Variants in SEMA5A observed in about 807,000 individuals in gnomAD.
SEMA5A encodes semaphorin 5A, also known as semaphorin-5A.
In SEMA5A, 55 loss-of-function variants were observed where a neutral mutation model predicts 135.5. The observed-to-expected ratio is 0.41, with a 90% confidence interval of 0.33 to 0.51. The LOEUF is 0.51. Ranked by LOEUF, SEMA5A falls within the 20% of genes least tolerant of loss-of-function variation. SEMA5A has a pLI of 0.37. For missense variants in SEMA5A, 1,290 were observed against 1,419.9 expected, an observed-to-expected ratio of 0.91 and a Z score of 1.47; for synonymous variants, 580 against 546.5, an observed-to-expected ratio of 1.06 and a Z score of -0.85.
chr5:9,147,124 C>T (rs1742379862), intron 12 of SEMA5A, among the ~76,000 whole-genome samples: 1 of 152,106 alleles, frequency 6.6e-6, no homozygotes, highest in Non-Finnish European at 1.5e-5. Flanking sequence ...GCTTTTAAAA[C>T]TTTGACCTTT....
intron 11 of SEMA5A, among the ~76,000 whole-genome samples, chr5:9,171,393 G>T (rs1743913527): frequency 6.6e-6 from 1 of 152,208 alleles, no homozygotes; most frequent in Non-Finnish European, 1.5e-5. Context: ...GAAAGGCCCA[G>T]TTGGCATCTG....
chr5:9,141,693 A>G (rs535821581), intron 12 of SEMA5A, among the ~76,000 whole-genome samples: 21 of 152,336 alleles, frequency 1.4e-4, no homozygotes, highest in Admixed American at 1.1e-3. Flanking sequence ...ACATATATCT[A>G]AAGTATTTCT....
intron 10 of SEMA5A, among the ~76,000 whole-genome samples, chr5:9,191,055 T>TA (rs1745084880): frequency 6.6e-6 from 1 of 152,130 alleles, no homozygotes; most frequent in Admixed American, 6.6e-5. Context: ...AAGAAATTAT[T>TA]AAAAAATGTT....
Position 9,353,226 on chromosome 5 carries a change from GA to G in SEMA5A, c.125-15415del, listed in dbSNP as rs1465780192. Among the ~76,000 whole-genome samples, 11 of 138,368 alleles carry G rather than the reference GA, an allele frequency of 7.9e-5. 1 individual carries two copies. Among genetic ancestry groups the G allele is most frequent in the African/African-American group, 2.9e-4 (10 of 34,550 alleles). The allele number at this position is 138,368 out of a possible 152,430, so 90.8% of individuals were successfully genotyped here. On this transcript the variant is annotated intron_variant, in intron 3 of 22. Coordinates refer to ENST00000382496, the MANE Select transcript of SEMA5A (RefSeq NM_003966.3). ...GAAAGGAAAGGAAAGGAAAGGAAAG[GA>G]AAGGAAAGGAAGGAAAGGGAAGGGA...
intron 2 of SEMA5A, among the ~76,000 whole-genome samples, chr5:9,420,920 G>A (rs1169917048): frequency 1.3e-5 from 2 of 152,212 alleles, no homozygotes; most frequent in Admixed American, 6.5e-5. Context: ...GGAAGCTGAG[G>A]CAGGAGAATC....
At chr5:9,360,972 A>G (rs1579411985) in intron 3 of SEMA5A, among the ~76,000 whole-genome samples, 1 of 152,290 alleles carries the variant, frequency 6.6e-6, no homozygotes, top group African/African-American at 2.4e-5. Context: ...TTAGGGGCAT[A>G]ACAATAAATA....
chr5:9,087,925 C>T (rs1738793031), intron 16 of SEMA5A, among the ~76,000 whole-genome samples: 1 of 152,136 alleles, frequency 6.6e-6, no homozygotes, highest in Non-Finnish European at 1.5e-5. Flanking sequence ...CTGCTTTTTG[C>T]TTCAATTTCT....
At chr5:9,461,146 C>A (rs1177480121) in intron 1 of SEMA5A, among the ~76,000 whole-genome samples, 2 of 152,138 alleles carry the variant, frequency 1.3e-5, no homozygotes, top group Non-Finnish European at 2.9e-5. Flanking sequence ...TAGAGATTTC[C>A]TAGCATGGAA....
At chr5:9,272,201 G>T (rs1022297336) in intron 5 of SEMA5A, among the ~76,000 whole-genome samples, 2 of 152,034 alleles carry the variant, frequency 1.3e-5, no homozygotes, top group African/African-American at 4.8e-5. Flanking sequence ...GTCTGCCATT[G>T]CTTAGGCTTG....
chr5:9,542,755 C>T (rs1178486743), intron 1 of SEMA5A, among the ~76,000 whole-genome samples: 1 of 152,136 alleles, frequency 6.6e-6, no homozygotes, highest in African/African-American at 2.4e-5. Flanking sequence ...ACATATACTA[C>T]TATAAAAATG....
intron 5 of SEMA5A, among the ~76,000 whole-genome samples, chr5:9,247,630 C>A (rs569537708): frequency 2.6e-5 from 4 of 152,174 alleles, no homozygotes; most frequent in African/African-American, 9.6e-5. Context: ...GAGATATATC[C>A]TATCAAAGTC....
At chr5:9,373,340 A>G (rs1755222307) in intron 3 of SEMA5A, among the ~76,000 whole-genome samples, 1 of 152,166 alleles carries the variant, frequency 6.6e-6, no homozygotes, top group East Asian at 1.9e-4. Flanking sequence ...TGTTTTTTCA[A>G]TCATCTAAGA....
At chr5:9,183,585 G>A (rs771081592) in intron 11 of SEMA5A, among the ~76,000 whole-genome samples, 1 of 152,310 alleles carries the variant, frequency 6.6e-6, no homozygotes, top group African/African-American at 2.4e-5. Flanking sequence ...CAAGGGTTCA[G>A]GGTCAAGTAA....
intron 15 of SEMA5A, among the ~76,000 whole-genome samples, chr5:9,114,115 G>C (rs1051382024): frequency 3.3e-5 from 5 of 152,192 alleles, no homozygotes; most frequent in Admixed American, 1.3e-4. Flanking sequence ...ATCTTATTCA[G>C]CCTTACAAAA....
At chr5:9,245,437 G>C (rs986108957) in intron 5 of SEMA5A, among the ~76,000 whole-genome samples, 5 of 152,118 alleles carry the variant, frequency 3.3e-5, no homozygotes, top group Non-Finnish European at 7.4e-5. Flanking sequence ...TAAGTCATTA[G>C]AAAAATGTGA....
At position 9,122,668 on chromosome 5, in the gene SEMA5A, G is replaced by T; in HGVS notation, c.1769C>A (p.Ala590Asp). Residue 590 changes from alanine to aspartate, a missense_variant, in exon 14 of 23, where the codon GCC becomes GAC. By Grantham distance (126) the Ala-to-Asp change is moderately radical. Around this residue, in one of 3 missense-constraint regions of SEMA5A, gnomAD observed 1,029 missense variants for 1,086.6 expected, o/e 0.95. Coordinates refer to ENST00000382496, the MANE Select transcript of SEMA5A (RefSeq NM_003966.3). Reference protein sequence around the residue: ...WQCEGPGMEIANCSRNGGWTP... With the variant: ...WQCEGPGMEIDNCSRNGGWTP... ...CTGAGCGGCACACCTGGAACAGTTG[G>T]CGATCTCCATGCCAGGGCCCTCGCA... The T allele has an allele frequency of 6.2e-7, 1 of 1,600,610 alleles. No homozygotes were observed. Among genetic ancestry groups the T allele is most frequent in the Non-Finnish European group, 8.5e-7 (1 of 1,171,390 alleles).
chr5:9,451,904 A>T (rs452875), intron 1 of SEMA5A, among the ~76,000 whole-genome samples: 1 of 152,146 alleles, frequency 6.6e-6, no homozygotes, highest in Non-Finnish European at 1.5e-5. Flanking sequence ...GGAGGAAACA[A>T]CAAGTAAGGA....
Position 9,197,176 on chromosome 5 carries a change from G to A in SEMA5A, c.1060C>T (p.His354Tyr). Reference protein sequence around the residue: ...AWLPYPNPNPHFQCGTVDQGL... With the variant: ...AWLPYPNPNPYFQCGTVDQGL... ...TGCCCCCCGAAAATTACCTGGAAGT[G>A]GGGGTTTGGGTTGGGATACGGTAGC... The change falls in exon 10 of 23, where the codon CAC becomes TAC. Residue 354 changes from histidine (H) to tyrosine (Y), a missense_variant. By Grantham distance (83) the His-to-Tyr change is moderately conservative. Around this residue, in one of 3 missense-constraint regions of SEMA5A, gnomAD observed 1,029 missense variants for 1,086.6 expected, o/e 0.95. Transcript: ENST00000382496. 6.2e-7 allele frequency: 1 copy of A among 1,614,180 alleles called. No individual in the cohort carries two copies. Among genetic ancestry groups the A allele is most frequent in the Non-Finnish European group, 8.5e-7 (1 of 1,180,016 alleles).
Position 9,441,860 on chromosome 5 carries a change from C to T in SEMA5A, c.-174-4008G>A, listed in dbSNP as rs558618481. Among the ~76,000 whole-genome samples, 7 of 152,270 alleles carry T rather than the reference C, an allele frequency of 4.6e-5. No individual in the cohort carries two copies. The East Asian group carries it at 1.4e-3, about 29-fold the overall frequency. Reference sequence around the variant, plus strand: ...TAACAGATGGGAAAAGTAGATGACACACAGATTGTAGGGAATGTTAACATG... The same window carrying T: ...TAACAGATGGGAAAAGTAGATGACATACAGATTGTAGGGAATGTTAACATG... On this transcript the variant is annotated intron_variant, in intron 1 of 22. Transcript: ENST00000382496.
Sources: gnomAD v4.1 joint callset for allele counts (sites outside exome capture counted in the v4.1 genomes callset) on GRCh38, gnomAD v4.1.1 for gene constraint, gnomAD v4.1.1 regional missense constraint, MANE v1.5 for transcripts, NCBI Gene and HGNC (gene_info 2026-07-23, HGNC 2026-07-21) for gene names.